ADGRV1: variants seen among roughly 807,000 people sequenced by gnomAD.
ADGRV1 encodes the protein adhesion G protein-coupled receptor V1.
In ADGRV1, 359 loss-of-function variants were observed where a neutral mutation model predicts 596.2. That is an observed-to-expected ratio of 0.60 (90% CI 0.55 to 0.66). The LOEUF (loss-of-function observed/expected upper bound fraction) is 0.66, where lower values mean the gene tolerates loss of function less well. Among genes scored for constraint, ADGRV1 ranks in the 30% least tolerant of loss-of-function variants. ADGRV1 has a pLI of 0.00. For missense variants in ADGRV1, 7,274 were observed against 7,575.6 expected (o/e 0.96, Z 1.48); for synonymous variants, 2,681 against 2,679.2 (o/e 1.00, Z -0.02).
At chr5:90,712,653 C>T (rs1749520947) in intron 42 of ADGRV1, among the ~76,000 whole-genome samples, 1 of 152,028 alleles carries the variant, frequency 6.6e-6, no homozygotes, top group Non-Finnish European at 1.5e-5. Flanking sequence ...TAGGTTGATA[C>T]TACAGATAAT....
intron 86 of ADGRV1, among the ~76,000 whole-genome samples, chr5:91,080,188 G>A (rs537235515): frequency 6.6e-6 from 1 of 152,132 alleles, no homozygotes; most frequent in African/African-American, 2.4e-5. Flanking sequence ...CAATGTGCTG[G>A]GGTCATTTCA....
At chr5:90,974,561 C>A (rs1779377537) in intron 84 of ADGRV1, among the ~76,000 whole-genome samples, 2 of 152,144 alleles carry the variant, frequency 1.3e-5, no homozygotes, top group African/African-American at 4.8e-5. Flanking sequence ...CTACAACCAT[C>A]TGATCTTTGA....
chr5:90,827,991 T>C (rs1300196040), intron 76 of ADGRV1, among the ~76,000 whole-genome samples: 1 of 152,214 alleles, frequency 6.6e-6, no homozygotes, highest in Non-Finnish European at 1.5e-5. Context: ...TGTAAAGGCA[T>C]CAGCTTAGCT....
chr5:91,036,124 AGG>A (rs763641531), intron 85 of ADGRV1, among the ~76,000 whole-genome samples: 6 of 151,976 alleles, frequency 3.9e-5, no homozygotes, highest in Non-Finnish European at 4.4e-5. Context: ...TAAGGAGGTA[AGG>A]CATGTATCCT....
chr5:90,841,410 A>G (rs1454036302), intron 78 of ADGRV1, among the ~76,000 whole-genome samples: 3 of 152,206 alleles, frequency 2.0e-5, no homozygotes, highest in Non-Finnish European at 4.4e-5. Flanking sequence ...AATAGAAATT[A>G]TCACCCTCTG....
chr5:90,882,392 A>G (rs912684586), intron 83 of ADGRV1, among the ~76,000 whole-genome samples: 3 of 152,150 alleles, frequency 2.0e-5, no homozygotes, highest in African/African-American at 7.2e-5. Context: ...TTTAATTCCT[A>G]TTTCCTGATG....
chr5:90,922,054 G>A (rs957355541), intron 83 of ADGRV1, among the ~76,000 whole-genome samples: 34 of 152,214 alleles, frequency 2.2e-4, no homozygotes, highest in African/African-American at 5.8e-4. Flanking sequence ...CCACCCCCTC[G>A]CCCTAACTCT....
chr5:90,823,427 C>G lies in ADGRV1; in HGVS notation c.16199C>G (p.Ala5400Gly). ...ATTGGTGGGTTTCTTGCTCACAGGG[C>G]CTTTGAAGATGTCAAGGTCTTTTGG... ...HLIVTRQPNR[A>G]FEDVKVFWRV... The change falls in exon 76 of 90, where the codon GCC (alanine) becomes GGC (glycine). Residue 5400 changes from alanine to glycine, a missense_variant and splice_region_variant. Around this residue, in one of 5 missense-constraint regions of ADGRV1, gnomAD observed 1,874 missense variants for 1,970.2 expected, o/e 0.95. Transcript: ENST00000405460. 1 of 1,613,450 alleles carries G rather than the reference C, an allele frequency of 6.2e-7. No individual in the cohort carries two copies. Among genetic ancestry groups the G allele is most frequent in the African/African-American group, 1.3e-5 (1 of 75,008 alleles).
At chr5:90,644,034 A>G (rs563826851) in intron 14 of ADGRV1, 51 bp downstream of exon 14, 4 of 1,275,472 alleles carry the variant, frequency 3.1e-6, no homozygotes, top group African/African-American at 3.0e-5. Flanking sequence ...AAGAAGAAAT[A>G]TAATTTTTTT....
chr5:90,559,785 G>C (rs550433658), intron 1 of ADGRV1, among the ~76,000 whole-genome samples: 71 of 152,216 alleles, frequency 4.7e-4, no homozygotes, highest in Non-Finnish European at 4.4e-5. Flanking sequence ...AGCATGATTA[G>C]AAATTCTTAC....
At chr5:90,861,783 T>C (rs1315295608) in intron 82 of ADGRV1, among the ~76,000 whole-genome samples, 1 of 152,196 alleles carries the variant, frequency 6.6e-6, no homozygotes, top group Non-Finnish European at 1.5e-5. Context: ...AAATAAAAGA[T>C]AAGTATTTAG....
chr5:91,149,572 C>G (rs1795842496), intron 87 of ADGRV1, among the ~76,000 whole-genome samples: 1 of 151,978 alleles, frequency 6.6e-6, no homozygotes, highest in Non-Finnish European at 1.5e-5. Flanking sequence ...TGGCTCACAC[C>G]TGTAATCCCA....
chr5:90,640,546 G>C (rs747747751), intron 11 of ADGRV1, among the ~76,000 whole-genome samples: 4 of 152,174 alleles, frequency 2.6e-5, no homozygotes, highest in Admixed American at 6.5e-5. Context: ...CGCCTTGGAG[G>C]AGGCCTGGAA....
chr5:90,767,483 A>G (rs182440607), intron 59 of ADGRV1, among the ~76,000 whole-genome samples: 6 of 151,690 alleles, frequency 4.0e-5, no homozygotes, highest in Non-Finnish European at 7.3e-5. Flanking sequence ...GTAAGAGACT[A>G]TATAAATGTC....
chr5:90,651,766 G>A, intron 18 of ADGRV1, 36 bp downstream of exon 18: 1 of 1,373,396 alleles, frequency 7.3e-7, no homozygotes, highest in Non-Finnish European at 1.0e-6. Context: ...TTAAAATTGG[G>A]TGAAATAAAA....
chr5:90,759,845 T>G, intron 58 of ADGRV1: 1 of 395,038 alleles, frequency 2.5e-6, no homozygotes, highest in Non-Finnish European at 4.8e-6. Flanking sequence ...CATGCCTGTA[T>G]TCCCAGATAC....
chr5:90,804,023 T>C (rs1438933441), intron 71 of ADGRV1, among the ~76,000 whole-genome samples: 1 of 152,198 alleles, frequency 6.6e-6, no homozygotes, highest in African/African-American at 2.4e-5. Context: ...TGTGTGTATG[T>C]GTGATGTGGC....
At chr5:91,104,794 A>G (rs1213289560) in intron 87 of ADGRV1, among the ~76,000 whole-genome samples, 1 of 151,964 alleles carries the variant, frequency 6.6e-6, no homozygotes, top group African/African-American at 2.4e-5. Flanking sequence ...GATTTTTGTC[A>G]TTAAAAGTAA....
At chr5:91,156,920 T>C (rs73771201) in intron 89 of ADGRV1, among the ~76,000 whole-genome samples, 1,609 of 152,336 alleles carry the variant, frequency 0.011, 36 homozygotes, top group African/African-American at 0.038. Flanking sequence ...CTTAACATTT[T>C]TTGAGCCAAT....
Sources: gnomAD v4.1 joint callset for allele counts (sites outside exome capture counted in the v4.1 genomes callset) on GRCh38, gnomAD v4.1.1 for gene constraint, gnomAD v4.1.1 regional missense constraint, MANE v1.5 for transcripts, NCBI Gene and HGNC (gene_info 2026-07-23, HGNC 2026-07-21) for gene names.